The following CTNNA3 variants were observed in gnomAD, a reference collection of about 807,000 sequenced individuals.
CTNNA3 encodes the protein catenin alpha-3.
CTNNA3 carries 76 observed loss-of-function variants against 95.7 expected under a neutral mutation model. The observed-to-expected ratio is 0.79, with a 90% CI of 0.66 to 0.96. CTNNA3 has a LOEUF of 0.96. Ranked by LOEUF, CTNNA3 falls within the 40% of genes least tolerant of loss-of-function variation. The pLI is 0.00. For missense variants in CTNNA3, 1,191 were observed against 1,089.8 expected, an observed-to-expected ratio of 1.09 and a Z score of -1.31; for synonymous variants, 431 against 374.4, an observed-to-expected ratio of 1.15 and a Z score of -1.74.
chr10:67,032,289 A>G (rs1457595526), intron 7 of CTNNA3, among the ~76,000 whole-genome samples: 1 of 152,176 alleles, frequency 6.6e-6, no homozygotes, highest in Non-Finnish European at 1.5e-5. Context: ...TGTTTCCAGA[A>G]CAAGGGTTAC....
intron 9 of CTNNA3, among the ~76,000 whole-genome samples, chr10:66,756,227 G>C (rs932435891): frequency 1.3e-5 from 2 of 152,114 alleles, no homozygotes; most frequent in African/African-American, 4.8e-5. Context: ...GACAGGAAGA[G>C]AGATCATTTG....
intron 5 of CTNNA3, among the ~76,000 whole-genome samples, chr10:67,376,669 G>A (rs902685285): frequency 1.2e-4 from 18 of 152,180 alleles, no homozygotes; most frequent in African/African-American, 2.4e-4. Context: ...AAGTTAGGAC[G>A]TAGACAAAAG....
At chr10:67,702,463 T>C (rs1276793736) in intron 1 of CTNNA3, among the ~76,000 whole-genome samples, 1 of 152,164 alleles carries the variant, frequency 6.6e-6, no homozygotes, top group Non-Finnish European at 1.5e-5. Context: ...CAACTCAAGA[T>C]TAAGAAACTC....
intron 16 of CTNNA3, among the ~76,000 whole-genome samples, chr10:65,975,561 A>G (rs1411745878): frequency 1.3e-5 from 2 of 152,120 alleles, no homozygotes; most frequent in Middle Eastern, 3.2e-3. Flanking sequence ...TCCCCAATTT[A>G]CAGATGTGAA....
chr10:67,594,782 T>A (rs980953364), intron 3 of CTNNA3, among the ~76,000 whole-genome samples: 9 of 152,166 alleles, frequency 5.9e-5, no homozygotes, highest in African/African-American at 1.9e-4. Flanking sequence ...TTTGGTTACA[T>A]GAGTAAGTTC....
At chr10:67,473,076 C>T (rs1847886350) in intron 5 of CTNNA3, among the ~76,000 whole-genome samples, 2 of 152,252 alleles carry the variant, frequency 1.3e-5, no homozygotes, top group East Asian at 3.9e-4. Context: ...AATGTTGTAA[C>T]CTTGTAAAAC....
chr10:66,933,518 C>T (rs1276119185), intron 7 of CTNNA3, among the ~76,000 whole-genome samples: 1 of 152,100 alleles, frequency 6.6e-6, no homozygotes, highest in African/African-American at 2.4e-5. Context: ...TATATGGCAA[C>T]ATGACATCAT....
At chr10:66,217,352 CAAA>C (rs34541755) in intron 13 of CTNNA3, among the ~76,000 whole-genome samples, 7 of 128,208 alleles carry the variant, frequency 5.5e-5, no homozygotes, top group East Asian at 2.3e-4. Context: ...GACTCTATCT[CAAA>C]AAAAAAAAAA....
intron 5 of CTNNA3, among the ~76,000 whole-genome samples, chr10:67,344,190 C>T (rs1589192284): frequency 6.6e-6 from 1 of 152,030 alleles, no homozygotes; most frequent in African/African-American, 2.4e-5. Flanking sequence ...ATAAAATCCA[C>T]TTGTTCATGA....
At chr10:67,450,299 T>C (rs193217163) in intron 5 of CTNNA3, among the ~76,000 whole-genome samples, 1 of 152,214 alleles carries the variant, frequency 6.6e-6, no homozygotes, top group South Asian at 2.1e-4. Flanking sequence ...TTACTGGATA[T>C]ATGCCCAGAT....
intron 6 of CTNNA3, among the ~76,000 whole-genome samples, chr10:67,207,349 A>T (rs1053321638): frequency 6.6e-6 from 1 of 152,208 alleles, no homozygotes; most frequent in Non-Finnish European, 1.5e-5. Flanking sequence ...TAGGTGACAA[A>T]GTCTTAGGTA....
At chr10:66,991,459 T>G (rs1851032703) in intron 7 of CTNNA3, among the ~76,000 whole-genome samples, 1 of 152,222 alleles carries the variant, frequency 6.6e-6, no homozygotes, top group Non-Finnish European at 1.5e-5. Context: ...CTATTTATTT[T>G]GATTTTTGAA....
chr10:66,548,816 TCATAA>T lies in CTNNA3; in HGVS notation c.1375-28048_1375-28044del, dbSNP rs369841344. 4.0e-3 allele frequency among the ~76,000 whole-genome samples: 604 copies of T among 152,136 alleles called. 2 individuals are homozygous for T. The highest frequency in any genetic ancestry group is 0.014 in the African/African-American group (575 of 41,542). ...TACATTTTTAAATGTTTCTAGTTGG[TCATAA>T]CATATTATCCTTTTATATACTATTG... On this transcript the variant is annotated intron_variant, in intron 10 of 17. Coordinates refer to ENST00000433211, the MANE Select transcript of CTNNA3 (RefSeq NM_013266.4).
intron 5 of CTNNA3, among the ~76,000 whole-genome samples, chr10:67,388,948 G>C (rs1261242947): frequency 7.3e-5 from 11 of 151,068 alleles, no homozygotes; most frequent in Non-Finnish European, 1.5e-4. Flanking sequence ...ACCAGCCGCT[G>C]CAAAATCATG....
intron 7 of CTNNA3, among the ~76,000 whole-genome samples, chr10:66,882,155 C>T (rs1844873739): frequency 6.6e-6 from 1 of 152,046 alleles, no homozygotes; most frequent in African/African-American, 2.4e-5. Context: ...CTTTGGATAG[C>T]ATTTTAAATC....
chr10:66,266,417 A>T (rs908230780), intron 13 of CTNNA3, among the ~76,000 whole-genome samples: 10 of 152,058 alleles, frequency 6.6e-5, no homozygotes, highest in African/African-American at 2.4e-4. Context: ...AAGGCTTCAG[A>T]TTTAATAAAT....
chr10:67,282,116 TAA>T (rs1300432919), intron 5 of CTNNA3, among the ~76,000 whole-genome samples: 2 of 152,090 alleles, frequency 1.3e-5, no homozygotes, highest in African/African-American at 4.8e-5. Context: ...AAACAGAAAA[TAA>T]GACTATCATA....
intron 5 of CTNNA3, among the ~76,000 whole-genome samples, chr10:67,318,971 G>T (rs143926363): frequency 2.6e-5 from 4 of 152,208 alleles, no homozygotes; most frequent in Non-Finnish European, 5.9e-5. Context: ...GTTTCCACAT[G>T]CCTAGAACTG....
chr10:66,766,238 G>T, intron 9 of CTNNA3, 26 bp downstream of exon 9: 2 of 1,607,452 alleles, frequency 1.2e-6, no homozygotes, highest in South Asian at 1.1e-5. Flanking sequence ...CTGGACTTTA[G>T]TGAGTTACAG....
Sources: gnomAD v4.1 joint callset for allele counts (sites outside exome capture counted in the v4.1 genomes callset) on GRCh38, gnomAD v4.1.1 for gene constraint, MANE v1.5 for transcripts, NCBI Gene and HGNC (gene_info 2026-07-23, HGNC 2026-07-21) for gene names.